ELF1: variants seen among roughly 807,000 people sequenced by gnomAD.
ELF1 encodes the protein ETS-related transcription factor Elf-1.
In ELF1, 24 loss-of-function variants were observed where a neutral mutation model predicts 59.9. The ratio of observed to expected loss-of-function variants is 0.40; its 90% CI spans 0.29 to 0.56. The LOEUF (loss-of-function observed/expected upper bound fraction) is 0.56. Ranked by LOEUF, ELF1 falls within the 20% of genes least tolerant of loss-of-function variation. The probability of loss-of-function intolerance (pLI) is 0.44; values close to 1 mark genes in which losing one functional copy is unlikely to be tolerated. For synonymous variants in ELF1, 248 were observed against 266.2 expected, an observed-to-expected ratio of 0.93 and a Z score of 0.67; for missense variants, 627 against 742.2, an observed-to-expected ratio of 0.84 and a Z score of 1.80.
intron 2 of ELF1, among the ~76,000 whole-genome samples, chr13:40,972,453 A>G (rs1490319222): frequency 6.6e-6 from 1 of 152,226 alleles, no homozygotes; most frequent in Non-Finnish European, 1.5e-5. Flanking sequence ...AAATGTGACA[A>G]CAGAACAAAA....
chr13:41,025,953 T>C (rs1375048853), intron 1 of ELF1, among the ~76,000 whole-genome samples: 1 of 152,196 alleles, frequency 6.6e-6, no homozygotes, highest in Non-Finnish European at 1.5e-5. Context: ...AGAAGCAGTT[T>C]CCTTTCAAAT....
At chr13:40,999,673 A>G (rs1874312663) in intron 1 of ELF1, among the ~76,000 whole-genome samples, 1 of 152,234 alleles carries the variant, frequency 6.6e-6, no homozygotes, top group Admixed American at 6.5e-5. Flanking sequence ...CAGTTTAAAA[A>G]GACATTCCAC....
rs368881361 is a variant in ELF1, at chr13:40,941,120, C to G, written c.1057G>C (p.Ala353Pro). Reference protein sequence around the residue: ...TVLKPGNSKAAKPKDPVEVAQ... With the variant: ...TVLKPGNSKAPKPKDPVEVAQ... ...ACTTCCACAGGATCTTTGGGTTTTG[C>G]AGCTTTAGAATTCCCTGGTTTTAGA... The change falls in exon 8 of 9, where the codon GCA becomes CCA. Residue 353 changes from alanine to proline, a missense_variant. Around this residue, in one of 3 missense-constraint regions of ELF1, gnomAD observed 361 missense variants for 396.1 expected, o/e 0.91. Coordinates refer to ENST00000239882, the MANE Select transcript of ELF1 (RefSeq NM_172373.4). The G allele has an allele frequency of 3.7e-6, 6 of 1,614,078 alleles. No homozygotes were observed. The African/African-American group carries it at 8.0e-5, about 22-fold the overall frequency.
intron 1 of ELF1, among the ~76,000 whole-genome samples, chr13:41,054,207 A>T (rs1877206919): frequency 6.6e-6 from 1 of 152,230 alleles, no homozygotes; most frequent in African/African-American, 2.4e-5. Flanking sequence ...GCAGCTTTTT[A>T]AAACTACTGG....
At position 40,940,903 on chromosome 13, in the gene ELF1, G is replaced by A; in HGVS notation, c.1256+18C>T. 1.9e-6 allele frequency: 3 copies of A among 1,595,592 alleles called. No homozygotes were observed. Among genetic ancestry groups the A allele is most frequent in the South Asian group, 1.1e-5 (1 of 89,148 alleles). On this transcript the variant is annotated intron_variant, in intron 8 of 8. Coordinates refer to ENST00000239882, the MANE Select transcript of ELF1 (RefSeq NM_172373.4). ...AAACATATTGAAGTGATAAGCATCA[G>A]TAGTTTGGTTTTCTCACCTAATACT... is the stretch of plus-strand genomic sequence containing the variant.
At chr13:40,972,785 T>A (rs1593371730) in intron 2 of ELF1, among the ~76,000 whole-genome samples, 1 of 152,216 alleles carries the variant, frequency 6.6e-6, no homozygotes, top group Non-Finnish European at 1.5e-5. Flanking sequence ...GATGTTTTTT[T>A]AATGCCATAT....
chr13:41,025,048 A>G (rs1875837517), intron 1 of ELF1, among the ~76,000 whole-genome samples: 2 of 152,204 alleles, frequency 1.3e-5, no homozygotes, highest in South Asian at 4.1e-4. Context: ...AAGAAATAAA[A>G]TAACTGATTT....
At chr13:41,049,415 C>T (rs1363199230) in intron 1 of ELF1, among the ~76,000 whole-genome samples, 2 of 152,142 alleles carry the variant, frequency 1.3e-5, no homozygotes, top group African/African-American at 4.8e-5. Context: ...ATTTTTCTTG[C>T]TCCTATGCCA....
At chr13:40,997,352 G>C (rs944613665) in intron 1 of ELF1, among the ~76,000 whole-genome samples, 6 of 151,852 alleles carry the variant, frequency 4.0e-5, no homozygotes, top group Non-Finnish European at 8.8e-5. Context: ...CCACCTCCTA[G>C]GTTCAAGCGA....
chr13:41,012,140 C>G (rs902421469), intron 1 of ELF1, among the ~76,000 whole-genome samples: 7 of 151,714 alleles, frequency 4.6e-5, no homozygotes, highest in Non-Finnish European at 1.0e-4. Context: ...AACCTCATCT[C>G]TACTAAAAAA....
intron 1 of ELF1, among the ~76,000 whole-genome samples, chr13:41,059,939 A>C (rs1355677733): frequency 1.3e-5 from 2 of 152,210 alleles, no homozygotes; most frequent in Non-Finnish European, 2.9e-5. Context: ...TACTTATTTA[A>C]AGCCATCTCA....
chr13:40,980,898 C>A (rs1873221395), intron 2 of ELF1, among the ~76,000 whole-genome samples: 1 of 152,076 alleles, frequency 6.6e-6, no homozygotes, highest in Non-Finnish European at 1.5e-5. Flanking sequence ...AACCTGTTAT[C>A]CTCCCTAGTC....
At chr13:41,019,517 T>G, upstream of ELF1, 1 of 422,874 alleles carries the variant, frequency 2.4e-6, no homozygotes, top group Non-Finnish European at 3.2e-6. Context: ...TAAGCTCATA[T>G]TAATTGCCAT....
At chr13:41,005,917 G>T (rs1250199508) in intron 1 of ELF1, among the ~76,000 whole-genome samples, 6 of 151,988 alleles carry the variant, frequency 3.9e-5, no homozygotes, top group Admixed American at 3.3e-4. Flanking sequence ...CATTCATATT[G>T]GTCAATATTT....
chr13:41,018,778 C>T (rs960324824), intron 1 of ELF1, among the ~76,000 whole-genome samples: 2 of 152,118 alleles, frequency 1.3e-5, no homozygotes, highest in African/African-American at 4.8e-5. Context: ...CCCAAAACTT[C>T]ACCCTTAGCT....
At chr13:40,995,033 C>A (rs1874059825) in intron 1 of ELF1, among the ~76,000 whole-genome samples, 1 of 152,122 alleles carries the variant, frequency 6.6e-6, no homozygotes, top group Non-Finnish European at 1.5e-5. Context: ...CCTCCAATTC[C>A]CACACAGCAT....
Position 40,982,191 on chromosome 13 carries a change from T to C in ELF1, c.-137A>G, listed in dbSNP as rs1359731954. Reference sequence around the variant, plus strand: ...AGTAATTGTATACCCAAGTTTTCTTTAGGGAAGGTGCTTCAGTTTTCCTGG... The same window carrying C: ...AGTAATTGTATACCCAAGTTTTCTTCAGGGAAGGTGCTTCAGTTTTCCTGG... On this transcript the variant is annotated 5_prime_UTR_variant, in exon 2 of 9. Coordinates refer to ENST00000239882, the MANE Select transcript of ELF1 (RefSeq NM_172373.4). 1.5e-6 allele frequency: 2 copies of C among 1,311,934 alleles called. No homozygotes were observed. The highest frequency in any genetic ancestry group is 2.9e-5 in the East Asian group (1 of 33,968). 81.3% of individuals were successfully genotyped at this position (1,311,934 alleles called of 1,614,324 possible).
At chr13:41,013,984 A>G (rs992709642) in intron 1 of ELF1, among the ~76,000 whole-genome samples, 4 of 152,146 alleles carry the variant, frequency 2.6e-5, no homozygotes, top group African/African-American at 7.2e-5. Flanking sequence ...AACAGCCCAG[A>G]CATAATGATC....
At chr13:40,948,152 A>C (rs1001037173) in intron 5 of ELF1, among the ~76,000 whole-genome samples, 3 of 152,206 alleles carry the variant, frequency 2.0e-5, no homozygotes, top group Non-Finnish European at 2.9e-5. Context: ...ATGGAGAAAA[A>C]ATTTTTTGGA....
Sources: allele counts gnomAD v4.1 joint callset (sites outside exome capture counted in the v4.1 genomes callset), GRCh38; gene constraint gnomAD v4.1.1; regional missense constraint gnomAD v4.1.1; transcripts MANE v1.5; gene names NCBI Gene and HGNC (gene_info 2026-07-23, HGNC 2026-07-21).